CHDH: variants seen among roughly 807,000 people sequenced by gnomAD.
CHDH encodes choline dehydrogenase, also known as choline dehydrogenase, mitochondrial.
In CHDH, 43 loss-of-function variants were observed where a neutral mutation model predicts 56.9. The ratio of observed to expected loss-of-function variants is 0.76; its 90% CI spans 0.59 to 0.97. CHDH has a LOEUF of 0.97. Ranked by LOEUF, CHDH falls within the 50% of genes least tolerant of loss-of-function variation. The pLI is 0.00. For synonymous variants in CHDH, 364 were observed against 348.5 expected (o/e 1.04, Z -0.50); for missense variants, 816 against 821.1 (o/e 0.99, Z 0.08).
chr3:53,830,893 G>A (rs1698312386), intron 2 of CHDH, among the ~76,000 whole-genome samples: 1 of 151,762 alleles, frequency 6.6e-6, no homozygotes, highest in Non-Finnish European at 1.5e-5. Context: ...CTGCACAAAG[G>A]GAGCAATTTC....
chr3:53,822,938 G>T (rs568369077), intron 3 of CHDH, among the ~76,000 whole-genome samples: 1 of 152,284 alleles, frequency 6.6e-6, no homozygotes, highest in South Asian at 2.1e-4. Context: ...GAAGCCCCGG[G>T]TCAGCCCTGG....
chr3:53,845,420 T>C (rs1364461305), intron 1 of CHDH, among the ~76,000 whole-genome samples: 2 of 152,198 alleles, frequency 1.3e-5, no homozygotes, highest in African/African-American at 2.4e-5. Context: ...TTCTCATCTG[T>C]AGAATGGAGC....
intron 2 of CHDH, among the ~76,000 whole-genome samples, chr3:53,830,979 C>G (rs1698315663): frequency 6.6e-6 from 1 of 152,218 alleles, no homozygotes. Flanking sequence ...TTCCCTGATT[C>G]CAGGCCTTGG....
chr3:53,816,836 TCAG>T lies in CHDH; in HGVS notation c.*938_*940del, dbSNP rs1286399717. 2 of 145,284 alleles carry T rather than the reference TCAG, an allele frequency of 1.4e-5. No homozygotes were observed. Among genetic ancestry groups the T allele is most frequent in the African/African-American group, 5.2e-5 (2 of 38,494 alleles). The allele number at this position is 145,284 out of a possible 1,614,324, so 9.0% of individuals were successfully genotyped here. A position where few individuals can be genotyped will look rare whatever the true frequency, so the allele number is the denominator to read the frequency against. ...CCCTTGAATAAGGTCCAAAAAAATC[TCAG>T]GTTTTTTTTTTTTTTTTTTTTTTTG... On this transcript the variant is annotated 3_prime_UTR_variant, in exon 9 of 9. Transcript: ENST00000315251.
chr3:53,838,602 CA>C (rs1427825489), intron 2 of CHDH, among the ~76,000 whole-genome samples: 3 of 152,168 alleles, frequency 2.0e-5, no homozygotes, highest in Non-Finnish European at 4.4e-5. Context: ...GTTCCCTCTC[CA>C]GGGGAGATGA....
At chr3:53,820,843 T>A (rs2095624883) in intron 5 of CHDH, among the ~76,000 whole-genome samples, 1 of 152,240 alleles carries the variant, frequency 6.6e-6, no homozygotes, top group Non-Finnish European at 1.5e-5. Context: ...CACTCACTCC[T>A]ACGGCAGCCT....
chr3:53,841,080 T>G (rs1304648442), intron 1 of CHDH, 81 bp from the exon 2 acceptor site: 9 of 152,340 alleles, frequency 5.9e-5, no homozygotes, highest in African/African-American at 2.2e-4. Context: ...AACCTATGTC[T>G]GTTGAGTCTA....
At chr3:53,841,799 G>A (rs1487522665) in intron 1 of CHDH, among the ~76,000 whole-genome samples, 2 of 152,044 alleles carry the variant, frequency 1.3e-5, no homozygotes, top group Non-Finnish European at 2.9e-5. Flanking sequence ...AAATGGTATC[G>A]CTGTTCTAAC....
intron 1 of CHDH, among the ~76,000 whole-genome samples, chr3:53,844,256 C>T (rs146671394): frequency 6.6e-6 from 1 of 152,328 alleles, no homozygotes; most frequent in Non-Finnish European, 1.5e-5. Context: ...CTCCTTCTTA[C>T]AGCTCAGCCA....
At chr3:53,831,902 C>T (rs1314137739) in intron 2 of CHDH, among the ~76,000 whole-genome samples, 1 of 150,152 alleles carries the variant, frequency 6.7e-6, no homozygotes, top group East Asian at 2.0e-4. Flanking sequence ...TGCAGTGAGC[C>T]GAGATGGCAC....
chr3:53,818,066 T>C lies in CHDH; in HGVS notation c.1496A>G (p.Asp499Gly). The change falls in exon 9 of 9, where the codon GAT becomes GGT. Residue 499 changes from aspartate to glycine, a missense_variant. Transcript: ENST00000315251. ...GSHIQSDKEIDAFVRAKADSA... is the reference protein window; with the variant it reads ...GSHIQSDKEIGAFVRAKADSA... Reference sequence around the variant, plus strand: ...GTCGGCTTTTGCCCGCACAAAGGCATCTATCTCTTTATCTGACTGAATGTG... The same window carrying C: ...GTCGGCTTTTGCCCGCACAAAGGCACCTATCTCTTTATCTGACTGAATGTG... 6.2e-7 allele frequency: 1 copy of C among 1,614,146 alleles called. No individual in the cohort carries two copies.
chr3:53,821,475 G>C, intron 5 of CHDH, among the ~76,000 whole-genome samples, 172 bp downstream of exon 5: 1 of 152,338 alleles, frequency 6.6e-6, no homozygotes, highest in African/African-American at 2.4e-5. Flanking sequence ...GGGGCCCAGG[G>C]ATGACAGTGT....
intron 2 of CHDH, among the ~76,000 whole-genome samples, chr3:53,833,874 G>A (rs961309768): frequency 2.6e-5 from 4 of 152,158 alleles, no homozygotes; most frequent in Non-Finnish European, 5.9e-5. Flanking sequence ...GTCCTCCCGC[G>A]GCACTGGGCA....
In CHDH at chr3:53,813,536, T is replaced by C. The variant is rs1432441655; in HGVS notation, c.*4241A>G. On this transcript the variant is annotated 3_prime_UTR_variant, in exon 9 of 9. Transcript: ENST00000315251. The stretch of plus-strand genomic sequence containing the variant: ...AACATTATCCTGGACTCTGTGTCTC[T>C]CTCTGTTGGGTCTTGTGGCATCACA... 5 of 152,370 alleles carry C rather than the reference T, an allele frequency of 3.3e-5. No individual in the cohort carries two copies. The highest frequency in any genetic ancestry group is 1.2e-4 in the African/African-American group (5 of 41,590). 9.4% of individuals were successfully genotyped at this position (152,370 alleles called of 1,614,324 possible). A position where few individuals can be genotyped will look rare whatever the true frequency, so the allele number is the denominator to read the frequency against.
rs2095629999 is a variant in CHDH, at chr3:53,822,721, A to G, written c.704-79T>C. 4.6e-6 allele frequency: 7 copies of G among 1,526,476 alleles called. No individual in the cohort carries two copies. In the Admixed American group the frequency reaches 7.4e-5, roughly 16 times the overall value. The allele number at this position is 1,526,476 out of a possible 1,614,324, so 94.6% of individuals were successfully genotyped here. Reference sequence around the variant, plus strand: ...GGCAGGAGGAAGGAGCTGGAGAAAGAAAGAGTGGATATGCCCAGCTCTGAC... The same window carrying G: ...GGCAGGAGGAAGGAGCTGGAGAAAGGAAGAGTGGATATGCCCAGCTCTGAC... On this transcript the variant is annotated intron_variant, in intron 3 of 8. Coordinates refer to ENST00000315251, the MANE Select transcript of CHDH (RefSeq NM_018397.5).
rs887604792 is a variant in CHDH at position 53,815,453 on chromosome 3, G to A, written c.*2324C>T. ...CATGGCAGGGGAACGCTCAGGTTCT[G>A]GACATGTGACACTTACCATCTTTTC... is the stretch of plus-strand genomic sequence containing the variant. On this transcript the variant is annotated 3_prime_UTR_variant, in exon 9 of 9. Coordinates refer to ENST00000315251, the MANE Select transcript of CHDH (RefSeq NM_018397.5). 1 of 152,214 alleles carries A rather than the reference G, an allele frequency of 6.6e-6. No individual in the cohort carries two copies. The highest frequency in any genetic ancestry group is 2.4e-5 in the African/African-American group (1 of 41,436). 9.4% of individuals were successfully genotyped at this position (152,214 alleles called of 1,614,324 possible). A position where few individuals can be genotyped will look rare whatever the true frequency, so the allele number is the denominator to read the frequency against.
chr3:53,822,718 A>G, intron 3 of CHDH, 76 bp from the exon 4 acceptor site: 1 of 1,531,532 alleles, frequency 6.5e-7, no homozygotes, highest in Non-Finnish European at 8.8e-7. Context: ...GAGCTGGAGA[A>G]AGAAAGAGTG....
At position 53,824,070 on chromosome 3, in the gene CHDH, A is replaced by C; in HGVS notation, c.-59-3T>G. The C allele has an allele frequency of 2.9e-6, 4 of 1,370,616 alleles. 1 individual carries two copies. The highest frequency in any genetic ancestry group is 3.8e-6 in the Non-Finnish European group (4 of 1,055,622). 84.9% of individuals were successfully genotyped at this position (1,370,616 alleles called of 1,614,324 possible). A position where few individuals can be genotyped will look rare whatever the true frequency, so the allele number is the denominator to read the frequency against. ...GGAATGAGATGACTCACTTCTCCCT[A>C]AAACAGGAAGAGGGGCTTTAAAAAT... On this transcript the variant is annotated splice_polypyrimidine_tract_variant and splice_region_variant and intron_variant, in intron 2 of 8. Transcript: ENST00000315251.
At position 53,838,858 on chromosome 3, in the gene CHDH, T is replaced by C. The variant is rs144618461; in HGVS notation, c.-60+2071A>G. On this transcript the variant is annotated intron_variant, in intron 2 of 8. Coordinates refer to ENST00000315251, the MANE Select transcript of CHDH (RefSeq NM_018397.5). ...ACAGAAGCAGAGGCCTAGGGGGTAG[T>C]AGCTTCTCTCATAAGGATGAGGCTG... is the stretch of plus-strand genomic sequence containing the variant. 4.2e-3 allele frequency among the ~76,000 whole-genome samples: 647 copies of C among 152,306 alleles called. 3 individuals are homozygous for C. Among genetic ancestry groups the C allele is most frequent in the African/African-American group, 0.015 (622 of 41,562 alleles).
Sources: gnomAD v4.1 joint callset for allele counts (sites outside exome capture counted in the v4.1 genomes callset) on GRCh38, gnomAD v4.1.1 for gene constraint, MANE v1.5 for transcripts, NCBI Gene and HGNC (gene_info 2026-07-23, HGNC 2026-07-21) for gene names.